Variants in ACTR6 observed in about 807,000 individuals in gnomAD.
The protein encoded by ACTR6 is actin-related protein 6.
ACTR6 carries 50 observed loss-of-function variants against 52.5 expected under a neutral mutation model. The observed-to-expected ratio is 0.95, with a 90% CI of 0.76 to 1.20. The LOEUF is 1.20. ACTR6 is among the 50% of genes most tolerant of loss of function. The pLI is 0.00. For synonymous variants in ACTR6, 135 were observed against 147.2 expected (o/e 0.92, Z 0.60); for missense variants, 344 against 472.4 (o/e 0.73, Z 2.52).
intron 4 of ACTR6, among the ~76,000 whole-genome samples, chr12:100,208,527 G>C (rs1461179210): frequency 6.6e-6 from 1 of 152,020 alleles, no homozygotes; most frequent in Non-Finnish European, 1.5e-5. Context: ...CACCCGCCTT[G>C]CCCTCCCAAA....
intron 6 of ACTR6, among the ~76,000 whole-genome samples, 156 bp from the exon 7 acceptor site, chr12:100,212,100 A>C (rs530533736): frequency 6.6e-6 from 1 of 152,258 alleles, no homozygotes; most frequent in Non-Finnish European, 1.5e-5. Flanking sequence ...TGGAAGTGAC[A>C]GTATTCCATA....
At position 100,218,381 on chromosome 12, in the gene ACTR6, A is replaced by G. The variant is rs1310721083; in HGVS notation, c.751-34A>G. The G allele has an allele frequency of 5.1e-6, 8 of 1,573,106 alleles. No individual in the cohort carries two copies. In the East Asian group the frequency reaches 9.2e-5, roughly 18 times the overall value. ...TTATTAGTCATGTGAGCTAGATAATATAACTTAAACTTTTAATCTTCTTTG... is the reference window on the plus strand; with the variant it reads ...TTATTAGTCATGTGAGCTAGATAATGTAACTTAAACTTTTAATCTTCTTTG... On this transcript the variant is annotated intron_variant, in intron 8 of 10. Transcript: ENST00000188312. This position sits in a 1 kb window ranked among gnomAD's most constrained non-coding sequence, Gnocchi z 4.2.
rs538518736 is a variant in ACTR6 at position 100,219,860 on chromosome 12, G to T, written c.923-148G>T. ...AACTGTAACCTCATTACAAATCTTA[G>T]AATGGACCTGAAAATTTATTTGGTT... On this transcript the variant is annotated intron_variant, in intron 9 of 10. Transcript: ENST00000188312. 1.5e-4 allele frequency: 104 copies of T among 707,606 alleles called. 1 individual carries two copies. In the African/African-American group the frequency reaches 1.7e-3, roughly 12 times the overall value. The allele number at this position is 707,606 out of a possible 1,614,324, so 43.8% of individuals were successfully genotyped here. A position where few individuals can be genotyped will look rare whatever the true frequency, so the allele number is the denominator to read the frequency against.
chr12:100,210,422 A>T, intron 6 of ACTR6, 71 bp downstream of exon 6: 4 of 1,495,432 alleles, frequency 2.7e-6, no homozygotes, highest in Non-Finnish European at 3.7e-6. Context: ...ATTTAAGATT[A>T]TTCCTTACTT....
chr12:100,205,916 G>A (rs535114923), intron 3 of ACTR6, among the ~76,000 whole-genome samples, 172 bp downstream of exon 3: 2 of 152,268 alleles, frequency 1.3e-5, no homozygotes, highest in Admixed American at 6.5e-5. Context: ...GTTGAGTAAA[G>A]ATAGTCTGTA....
intron 6 of ACTR6, among the ~76,000 whole-genome samples, chr12:100,211,272 T>C (rs529196954): frequency 6.6e-6 from 1 of 152,336 alleles, no homozygotes; most frequent in South Asian, 2.1e-4. Context: ...TCTGATGCAC[T>C]GTGTGGGTTT....
intron 3 of ACTR6, among the ~76,000 whole-genome samples, chr12:100,206,484 T>G (rs1376228994): frequency 6.6e-6 from 1 of 151,978 alleles, no homozygotes; most frequent in African/African-American, 2.4e-5. Flanking sequence ...AATAAATAAA[T>G]ACATAAATAA....
At position 100,210,132 on chromosome 12, in the gene ACTR6, A is replaced by G. The variant is rs370936245; in HGVS notation, c.439A>G (p.Ile147Val). The change falls in exon 5 of 11, where the codon ATT becomes GTT. Residue 147 changes from isoleucine (I) to valine (V), a missense_variant. Ile to Val is a conservative substitution (Grantham distance 29). Transcript: ENST00000188312. The part of the protein sequence containing the change: ...RDNPSELCCI[I>V]VDSGYSFTHI... ...TAATCCTTCCGAATTATGCTGTATC[A>G]TTGTTGATAGTGGATATTCCTTTAC... The G allele has an allele frequency of 1.4e-5, 23 of 1,611,192 alleles. No individual in the cohort carries two copies. Among genetic ancestry groups the G allele is most frequent in the Admixed American group, 5.0e-5 (3 of 59,806 alleles).
chr12:100,207,386 T>C (rs1271819737), intron 3 of ACTR6, among the ~76,000 whole-genome samples: 1 of 152,142 alleles, frequency 6.6e-6, no homozygotes, highest in Admixed American at 6.6e-5. Context: ...ATTTTATTAA[T>C]GCTACCTCTA....
At chr12:100,220,658 G>A (rs900819143) in intron 10 of ACTR6, among the ~76,000 whole-genome samples, 1 of 152,014 alleles carries the variant, frequency 6.6e-6, no homozygotes, top group Non-Finnish European at 1.5e-5. Flanking sequence ...AGTGTTATAT[G>A]AGAAAAAGTG....
intron 1 of ACTR6, among the ~76,000 whole-genome samples, chr12:100,204,661 A>C (rs1469700760): frequency 1.3e-5 from 2 of 152,086 alleles, no homozygotes; most frequent in Non-Finnish European, 2.9e-5. Flanking sequence ...CACCATGCCC[A>C]GCCTTATTTT....
intron 6 of ACTR6, 35 bp downstream of exon 6, chr12:100,210,386 G>A (rs757308146): frequency 2.5e-6 from 4 of 1,588,816 alleles, no homozygotes; most frequent in Admixed American, 1.7e-5. Context: ...GGAGGATGGG[G>A]CTCTGGGGAG....
At position 100,218,378 on chromosome 12, in the gene ACTR6, A is replaced by C. The variant is rs2096125475; in HGVS notation, c.751-37A>C. 10 of 1,551,378 alleles carry C rather than the reference A, an allele frequency of 6.4e-6. No homozygotes were observed. The highest frequency in any genetic ancestry group is 3.6e-4 in the Middle Eastern group (2 of 5,524). ...TAATTATTAGTCATGTGAGCTAGATAATATAACTTAAACTTTTAATCTTCT... is the reference window on the plus strand; with the variant it reads ...TAATTATTAGTCATGTGAGCTAGATCATATAACTTAAACTTTTAATCTTCT... On this transcript the variant is annotated intron_variant, in intron 8 of 10. Coordinates refer to ENST00000188312, the MANE Select transcript of ACTR6 (RefSeq NM_022496.5). This position sits in a 1 kb window ranked among gnomAD's most constrained non-coding sequence, Gnocchi z 4.2.
At chr12:100,211,259 T>C (rs1412005102) in intron 6 of ACTR6, among the ~76,000 whole-genome samples, 1 of 152,182 alleles carries the variant, frequency 6.6e-6, no homozygotes, top group Non-Finnish European at 1.5e-5. Flanking sequence ...CTAGTTATCC[T>C]GATCTGATGC....
chr12:100,222,040 C>T (rs551668543), intron 10 of ACTR6, among the ~76,000 whole-genome samples: 7 of 151,888 alleles, frequency 4.6e-5, no homozygotes, highest in South Asian at 2.1e-4. Flanking sequence ...CCACAACCTC[C>T]GCCTCCCAGG....
intron 10 of ACTR6, chr12:100,221,555 C>T (rs773286914): frequency 4.6e-5 from 7 of 151,954 alleles, no homozygotes; most frequent in Non-Finnish European, 2.9e-5. Flanking sequence ...GCGTCTACTG[C>T]TTTTATATAT....
At chr12:100,213,969 T>G (rs1416171490) in intron 8 of ACTR6, among the ~76,000 whole-genome samples, 2 of 152,174 alleles carry the variant, frequency 1.3e-5, no homozygotes, top group Admixed American at 1.3e-4. Context: ...TGCCTAAATA[T>G]CCACTAATGG....
At chr12:100,222,997 T>A (rs2096129524) in intron 10 of ACTR6, among the ~76,000 whole-genome samples, 2 of 152,198 alleles carry the variant, frequency 1.3e-5, no homozygotes, top group Non-Finnish European at 2.9e-5. Flanking sequence ...CCAGCCTAAA[T>A]TCTAGTTCCA....
Position 100,220,133 on chromosome 12 carries a change from G to A in ACTR6, c.1048G>A (p.Val350Met). The part of the protein sequence containing the change: ...LTPTDYDVSV[V>M]LPENPITYAW... The stretch of plus-strand genomic sequence containing the variant: ...TCCAACAGATTATGATGTTTCTGTT[G>A]TGCTGCCTGAAAAGTAAGTGTTGTT... Residue 350 changes from valine (V) to methionine (M), a missense_variant, in exon 10 of 11, where the codon GTG becomes ATG. Coordinates refer to ENST00000188312, the MANE Select transcript of ACTR6 (RefSeq NM_022496.5). 1 of 1,612,170 alleles carries A rather than the reference G, an allele frequency of 6.2e-7. No individual in the cohort carries two copies. The highest frequency in any genetic ancestry group is 8.5e-7 in the Non-Finnish European group (1 of 1,178,878).
Sources: gnomAD v4.1 joint callset for allele counts (sites outside exome capture counted in the v4.1 genomes callset) on GRCh38, gnomAD v4.1.1 for gene constraint, Gnocchi (gnomAD v3.1) non-coding constraint, MANE v1.5 for transcripts, NCBI Gene and HGNC (gene_info 2026-07-23, HGNC 2026-07-21) for gene names.